The following ZZZ3 variants were observed in gnomAD, a reference collection of about 807,000 sequenced individuals.
The protein encoded by ZZZ3 is ZZ-type zinc finger-containing protein 3.
In ZZZ3, 22 loss-of-function variants were observed where a neutral mutation model predicts 95.2. That is an observed-to-expected ratio of 0.23 (90% confidence interval 0.17 to 0.33). The LOEUF is 0.33. Among genes scored for constraint, ZZZ3 ranks in the 10% least tolerant of loss-of-function variants. ZZZ3 has a pLI of 1.00. For synonymous variants in ZZZ3, 335 were observed against 358.9 expected, an observed-to-expected ratio of 0.93 and a Z score of 0.75; for missense variants, 885 against 1,066.5, an observed-to-expected ratio of 0.83 and a Z score of 2.37.
chr1:77,662,354 G>C (rs1049952387), intron 1 of ZZZ3, among the ~76,000 whole-genome samples: 2 of 151,746 alleles, frequency 1.3e-5, no homozygotes, highest in African/African-American at 4.8e-5. Context: ...ATGTTGCCCA[G>C]ACTGGTCTCA....
In ZZZ3 at chr1:77,578,834, T is replaced by G; in HGVS notation, c.2118A>C (p.Leu706=). 6.3e-7 allele frequency: 1 copy of G among 1,578,538 alleles called. No individual in the cohort carries two copies. Among genetic ancestry groups the G allele is most frequent in the South Asian group, 1.2e-5 (1 of 84,932 alleles). ...ASRVQKYFIK[L]TKAGIPVPGR... is the part of the protein sequence containing the mutation. ...CTGGTACTGGAATGCCAGCTTTAGT[T>G]AGCTTTATGAAATACTTCTGTACTC... Residue 706 remains leucine (L), a synonymous_variant, in exon 11 of 15, where the codon CTA becomes CTC. Transcript: ENST00000370801.
rs1660748385 is a variant in ZZZ3 at position 77,565,659 on chromosome 1, T to C, written c.2693A>G (p.Tyr898Cys). 1.5e-5 allele frequency: 24 copies of C among 1,613,698 alleles called. No individual in the cohort carries two copies. Among genetic ancestry groups the C allele is most frequent in the Non-Finnish European group, 2.0e-5 (24 of 1,179,826 alleles). ...GTSYNYLDPNYFPANR is the reference protein window; with the variant it reads ...GTSYNYLDPNCFPANR ...TCCATGTCATCTGTTTGCTGGAAAG[T>C]AGTTTGGGTCAAGGTAATTGTAACT... is the stretch of plus-strand genomic sequence containing the variant. The change falls in exon 15 of 15, where the codon TAC (tyrosine) becomes TGC (cysteine). Residue 898 changes from tyrosine to cysteine, a missense_variant. This residue lies in a region of ZZZ3 where 221 missense variants were observed against 247.8 expected (regional missense o/e 0.89). Transcript: ENST00000370801.
intron 1 of ZZZ3, among the ~76,000 whole-genome samples, chr1:77,675,294 G>T (rs968500657): frequency 2.0e-5 from 3 of 152,012 alleles, no homozygotes; most frequent in Non-Finnish European, 4.4e-5. Context: ...GGGAAAGTGT[G>T]TAACAACGGC....
intron 12 of ZZZ3, among the ~76,000 whole-genome samples, chr1:77,574,829 A>G (rs1274428157): frequency 6.6e-6 from 1 of 152,232 alleles, no homozygotes; most frequent in African/African-American, 2.4e-5. Context: ...AAGAATACAA[A>G]AAATTTTTAA....
chr1:77,568,228 G>C, intron 13 of ZZZ3, 104 bp downstream of exon 13: 2 of 946,538 alleles, frequency 2.1e-6, no homozygotes, highest in South Asian at 1.7e-5. Flanking sequence ...GCAGTAAGCT[G>C]AGATCACGCC....
At chr1:77,593,245 C>T (rs554388467) in intron 5 of ZZZ3, among the ~76,000 whole-genome samples, 1 of 152,268 alleles carries the variant, frequency 6.6e-6, no homozygotes, top group African/African-American at 2.4e-5. Context: ...ACCCTAAGAT[C>T]CAGACATCCC....
Position 77,581,082 on chromosome 1 carries a change from C to T in ZZZ3, c.1909-13G>A, listed in dbSNP as rs1662468819. The T allele has an allele frequency of 1.2e-6, 2 of 1,611,092 alleles. No homozygotes were observed. Among genetic ancestry groups the T allele is most frequent in the Non-Finnish European group, 1.7e-6 (2 of 1,177,318 alleles). ...GTCCTCTTATCATCTGCACATAAGA[C>T]AAGGCTTTTGTCAGAGAGAAAATAA... On this transcript the variant is annotated splice_polypyrimidine_tract_variant and intron_variant, in intron 8 of 14. Transcript: ENST00000370801.
intron 1 of ZZZ3, among the ~76,000 whole-genome samples, chr1:77,657,473 A>T (rs1163375774): frequency 6.6e-6 from 1 of 152,212 alleles, no homozygotes; most frequent in Non-Finnish European, 1.5e-5. Flanking sequence ...AAGTAAATAG[A>T]CAAGAGAGCT....
intron 1 of ZZZ3, among the ~76,000 whole-genome samples, chr1:77,674,652 C>A (rs560598571): frequency 6.6e-6 from 1 of 152,052 alleles, no homozygotes; most frequent in Admixed American, 6.6e-5. Flanking sequence ...GAGATTTCTC[C>A]TTAGGAAAAG....
chr1:77,583,253 A>G (rs1244171294), intron 6 of ZZZ3, among the ~76,000 whole-genome samples: 3 of 152,224 alleles, frequency 2.0e-5, no homozygotes, highest in Non-Finnish European at 2.9e-5. Flanking sequence ...ATGAAATGAA[A>G]TTAAGGTTAA....
intron 1 of ZZZ3, among the ~76,000 whole-genome samples, chr1:77,676,199 CTG>C (rs1287517541): frequency 6.6e-6 from 1 of 152,152 alleles, no homozygotes; most frequent in Non-Finnish European, 1.5e-5. Flanking sequence ...AAGGGTCTCA[CTG>C]TGTCACCCAG....
intron 1 of ZZZ3, among the ~76,000 whole-genome samples, chr1:77,648,438 A>G (rs910018616): frequency 6.4e-4 from 96 of 151,050 alleles, no homozygotes; most frequent in African/African-American, 2.3e-3. Context: ...AGAACTGTAC[A>G]TGACAGTCAC....
chr1:77,629,602 G>A (rs562496217), intron 5 of ZZZ3, among the ~76,000 whole-genome samples: 1 of 152,162 alleles, frequency 6.6e-6, no homozygotes, highest in Admixed American at 6.5e-5. Context: ...CTCCAGCCCG[G>A]GTGGCAGAGT....
intron 5 of ZZZ3, among the ~76,000 whole-genome samples, chr1:77,610,447 T>C (rs917859251): frequency 1.3e-5 from 2 of 152,022 alleles, no homozygotes; most frequent in East Asian, 1.9e-4. Flanking sequence ...GAGGAGGGAA[T>C]ACTTCTAAAT....
Position 77,632,213 on chromosome 1 carries a change from G to A in ZZZ3, c.1142C>T (p.Ser381Leu), listed in dbSNP as rs760746735. The A allele has an allele frequency of 1.2e-5, 19 of 1,614,012 alleles. No homozygotes were observed. In the South Asian group the frequency reaches 1.8e-4, roughly 15 times the overall value. The change falls in exon 5 of 15, where the codon TCA (serine) becomes TTA (leucine). Residue 381 changes from serine (S) to leucine (L), a missense_variant. By Grantham distance (145) the Ser-to-Leu change is moderately radical. Coordinates refer to ENST00000370801, the MANE Select transcript of ZZZ3 (RefSeq NM_015534.6). Reference protein sequence around the residue: ...PQEHRYTLRTSPRRAAPTRGS... With the variant: ...PQEHRYTLRTLPRRAAPTRGS... Reference sequence around the variant, plus strand: ...TCTGGTAGGGGCTGCCCTTCGTGGTGAGGTTCTCAGAGTATAACGATGTTC... The same window carrying A: ...TCTGGTAGGGGCTGCCCTTCGTGGTAAGGTTCTCAGAGTATAACGATGTTC...
chr1:77,603,197 A>G (rs960462779), intron 5 of ZZZ3, among the ~76,000 whole-genome samples: 27 of 151,510 alleles, frequency 1.8e-4, no homozygotes, highest in Non-Finnish European at 3.4e-4. Flanking sequence ...TCCCACCTCA[A>G]CCTCCCAAGT....
chr1:77,608,379 T>A (rs542907964), intron 5 of ZZZ3, among the ~76,000 whole-genome samples: 24 of 152,024 alleles, frequency 1.6e-4, no homozygotes, highest in African/African-American at 5.5e-4. Context: ...AGGAAAAAAA[T>A]TTTACCCTAG....
rs963298173 is a variant in ZZZ3, at chr1:77,563,699, A to G, written c.*1941T>C. 6.6e-6 allele frequency: 1 copy of G among 152,180 alleles called. No individual in the cohort carries two copies. The highest frequency in any genetic ancestry group is 6.5e-5 in the Admixed American group (1 of 15,276). The allele number at this position is 152,180 out of a possible 1,614,324, so 9.4% of individuals were successfully genotyped here. ...TCAAGCATTACTATCTTGCCTAATT[A>G]CAAGTTGAAGGCAGATCTTCTGGCA... On this transcript the variant is annotated 3_prime_UTR_variant, in exon 15 of 15. Transcript: ENST00000370801.
intron 5 of ZZZ3, among the ~76,000 whole-genome samples, chr1:77,607,210 T>G (rs552117507): frequency 6.6e-6 from 1 of 152,338 alleles, no homozygotes; most frequent in South Asian, 2.1e-4. Context: ...AGTCACGTCT[T>G]ACATGGGGGC....
Sources: allele counts gnomAD v4.1 joint callset (sites outside exome capture counted in the v4.1 genomes callset), GRCh38; gene constraint gnomAD v4.1.1; regional missense constraint gnomAD v4.1.1; transcripts MANE v1.5; gene names NCBI Gene and HGNC (gene_info 2026-07-23, HGNC 2026-07-21).